The following MDK variants were observed in gnomAD, a reference collection of about 807,000 sequenced individuals.
MDK encodes the protein amphiregulin-associated protein.
Under a neutral mutation model 18.9 loss-of-function variants are expected in MDK, and 17 were observed. The observed-to-expected ratio is 0.90, with a 90% CI of 0.62 to 1.35. The LOEUF is 1.35. Among genes scored for constraint, MDK ranks in the 40% most tolerant of loss-of-function variants. MDK has a pLI of 0.00. For synonymous variants in MDK, 86 were observed against 74.3 expected (o/e 1.16, Z -0.81); for missense variants, 180 against 186.3 (o/e 0.97, Z 0.20).
intron 2 of MDK, 61 bp downstream of exon 2, chr11:46,382,194 G>T: frequency 6.2e-7 from 1 of 1,606,246 alleles, no homozygotes; most frequent in Non-Finnish European, 8.5e-7. Flanking sequence ...CCACTTCTGG[G>T]CTGGGCCGCC....
chr11:46,382,797 C>CCG (rs1945258654), intron 4 of MDK, 49 bp downstream of exon 4: 1 of 1,496,256 alleles, frequency 6.7e-7, no homozygotes, highest in East Asian at 2.6e-5. Flanking sequence ...GCTGCCCCCC[C>CCG]CCCCCCCCGC....
chr11:46,382,140 G>C lies in MDK; in HGVS notation c.76+7G>C, dbSNP rs746003322. The stretch of plus-strand genomic sequence containing the variant: ...GCGGTCGCCAAAAAGAAAGGTGATG[G>C]GGGATGATCGAAGGAGGGCTGGGGA... On this transcript the variant is annotated splice_region_variant and intron_variant, in intron 2 of 4. Transcript: ENST00000395566. 5.0e-6 allele frequency: 8 copies of C among 1,610,854 alleles called. No individual in the cohort carries two copies. In the Admixed American group the frequency reaches 1.2e-4, roughly 24 times the overall value.
chr11:46,382,509 G>T, intron 3 of MDK, 48 bp downstream of exon 3: 1 of 1,535,780 alleles, frequency 6.5e-7, no homozygotes, highest in Non-Finnish European at 8.8e-7. Context: ...GCACAGCCTC[G>T]CCGAAGCCTG....
intron 4 of MDK, chr11:46,383,190 T>C (rs1945274329): frequency 2.3e-6 from 1 of 433,620 alleles, no homozygotes; most frequent in Non-Finnish European, 4.2e-6. Flanking sequence ...TGCCCGCTTC[T>C]CAGGTGAGGA....
upstream of MDK, chr11:46,381,248 C>G (rs1160858497): frequency 1.3e-5 from 2 of 152,286 alleles, no homozygotes; most frequent in East Asian, 3.9e-4. Flanking sequence ...TGGAGGGGAG[C>G]GGGTCCCGCG....
upstream of MDK, chr11:46,381,126 C>G (rs1451680244): frequency 1.3e-5 from 2 of 152,340 alleles, no homozygotes; most frequent in Admixed American, 1.3e-4. Context: ...CGACCGGGTC[C>G]CAGACTCCCC....
upstream of MDK, chr11:46,381,598 A>G (rs1590671519): frequency 7.0e-5 from 1 of 14,340 alleles, no homozygotes; most frequent in Non-Finnish European, 1.3e-4. Context: ...TGCGGGTTTG[A>G]GGGGAGGGGG....
At position 46,382,442 on chromosome 11, in the gene MDK, C is replaced by A; in HGVS notation, c.225C>A (p.Asn75Lys). The A allele has an allele frequency of 6.6e-7, 1 of 1,525,590 alleles. No homozygotes were observed. Among genetic ancestry groups the A allele is most frequent in the Non-Finnish European group, 8.8e-7 (1 of 1,135,684 alleles). 94.5% of individuals were successfully genotyped at this position (1,525,590 alleles called of 1,614,324 possible). ...GCATCCGGTGCAGGGTGCCCTGCAACTGGAAGAAGGAGTTTGGAGGTGAGG... is the reference window on the plus strand; with the variant it reads ...GCATCCGGTGCAGGGTGCCCTGCAAATGGAAGAAGGAGTTTGGAGGTGAGG... Reference protein sequence around the residue: ...TQRIRCRVPCNWKKEFGADCK... With the variant: ...TQRIRCRVPCKWKKEFGADCK... The change falls in exon 3 of 5, where the codon AAC (asparagine) becomes AAA (lysine). Residue 75 changes from asparagine to lysine, a missense_variant. Coordinates refer to ENST00000395566, the MANE Select transcript of MDK (RefSeq NM_002391.6).
chr11:46,382,790 G>GGGGGCC, intron 4 of MDK, 42 bp downstream of exon 4: 182 of 986,798 alleles, frequency 1.8e-4, no homozygotes, highest in East Asian at 4.6e-4. Flanking sequence ...GCGGGGGGCT[G>GGGGGCC]CCCCCCCCCC....
chr11:46,381,094 C>G (rs576669546), upstream of MDK: 2 of 152,300 alleles, frequency 1.3e-5, no homozygotes, highest in African/African-American at 2.4e-5. Context: ...ACTGGGCGAC[C>G]GCACCCGTGG....
In MDK at chr11:46,383,601, G is replaced by A. The variant is rs766928058; in HGVS notation, c.*107G>A. ...ACCCACCAGTGCCTTCTGTCTGCTCGTTAGCTTTAATCAATCATGCCCTGC... is the reference window on the plus strand; with the variant it reads ...ACCCACCAGTGCCTTCTGTCTGCTCATTAGCTTTAATCAATCATGCCCTGC... On this transcript the variant is annotated 3_prime_UTR_variant, in exon 5 of 5. Coordinates refer to ENST00000395566, the MANE Select transcript of MDK (RefSeq NM_002391.6). 1.9e-5 allele frequency: 19 copies of A among 1,007,344 alleles called. No homozygotes were observed. The highest frequency in any genetic ancestry group is 2.5e-5 in the Non-Finnish European group (16 of 636,726). The allele number at this position is 1,007,344 out of a possible 1,614,324, so 62.4% of individuals were successfully genotyped here.
At chr11:46,381,893 C>G (rs1449236230) in intron 1 of MDK, 135 bp downstream of exon 1, 1 of 688,904 alleles carries the variant, frequency 1.5e-6, no homozygotes, top group Admixed American at 2.8e-5. Flanking sequence ...GCGGTGCGTC[C>G]GGGCTAGCGG....
chr11:46,382,482 A>C, intron 3 of MDK, 21 bp downstream of exon 3: 1 of 1,522,008 alleles, frequency 6.6e-7, no homozygotes, highest in Non-Finnish European at 8.8e-7. Context: ...GCGCAGTCAG[A>C]GGGCAGGAGA....
intron 1 of MDK, 127 bp from the exon 2 acceptor site, chr11:46,381,930 C>T: frequency 1.0e-6 from 1 of 1,005,020 alleles, no homozygotes; most frequent in South Asian, 1.6e-5. Flanking sequence ...GTCTTCCCAC[C>T]GCCGCCACCT....
intron 2 of MDK, 40 bp downstream of exon 2, chr11:46,382,173 G>A (rs369728227): frequency 6.2e-7 from 1 of 1,608,156 alleles, no homozygotes; most frequent in Non-Finnish European, 8.5e-7. Context: ...GGACGGGCAG[G>A]CGAGGCCCCT....
intron 4 of MDK, 47 bp downstream of exon 4, chr11:46,382,795 C>CA (rs1565101772): frequency 7.2e-7 from 1 of 1,398,074 alleles, no homozygotes; most frequent in South Asian, 1.3e-5. Context: ...GGGCTGCCCC[C>CA]CCCCCCCCCC....
chr11:46,382,552 C>A, intron 3 of MDK, 35 bp from the exon 4 acceptor site: 1 of 1,576,258 alleles, frequency 6.3e-7, no homozygotes, highest in South Asian at 1.1e-5. Context: ...GGGCCGCGGG[C>A]CGCGCAGCGC....
intron 1 of MDK, 30 bp from the exon 2 acceptor site, chr11:46,382,027 C>T: frequency 6.3e-7 from 1 of 1,580,880 alleles, no homozygotes; most frequent in Non-Finnish European, 8.6e-7. Context: ...GGGGACGGGC[C>T]AGGGATTCAG....
chr11:46,382,790 G>GGGGGGGGGGGGGCCC, intron 4 of MDK, 42 bp downstream of exon 4: 18 of 987,034 alleles, frequency 1.8e-5, no homozygotes, highest in East Asian at 1.5e-4. Flanking sequence ...GCGGGGGGCT[G>GGGGGGGGGGGGGCCC]CCCCCCCCCC....
Sources: gnomAD v4.1 joint callset for allele counts on GRCh38, gnomAD v4.1.1 for gene constraint, MANE v1.5 for transcripts, NCBI Gene and HGNC (gene_info 2026-07-23, HGNC 2026-07-21) for gene names.